Variants in PPP3R1 observed in about 807,000 individuals in gnomAD.
The protein encoded by PPP3R1 is calcineurin subunit B type 1.
In PPP3R1, 5 loss-of-function variants were observed where a neutral mutation model predicts 22.6. The observed-to-expected ratio is 0.22, with a 90% CI of 0.12 to 0.46. The LOEUF (loss-of-function observed/expected upper bound fraction) is 0.46. Ranked by LOEUF, PPP3R1 falls within the 20% of genes least tolerant of loss-of-function variation. The probability of loss-of-function intolerance (pLI) is 0.99; values close to 1 mark genes in which losing one functional copy is unlikely to be tolerated. For missense variants in PPP3R1, 61 were observed against 203.2 expected, an observed-to-expected ratio of 0.30 and a Z score of 4.25; for synonymous variants, 56 against 65.2, an observed-to-expected ratio of 0.86 and a Z score of 0.68.
chr2:68,231,337 C>T (rs1261211071), intron 1 of PPP3R1, among the ~76,000 whole-genome samples: 1 of 151,640 alleles, frequency 6.6e-6, no homozygotes, highest in African/African-American at 2.4e-5. Flanking sequence ...TTCTTTATGT[C>T]TTCTATTTCT....
At chr2:68,235,754 T>C (rs1670008567) in intron 1 of PPP3R1, among the ~76,000 whole-genome samples, 1 of 152,216 alleles carries the variant, frequency 6.6e-6, no homozygotes, top group African/African-American at 2.4e-5. Flanking sequence ...GGTAACTCTA[T>C]GTTTGACATT....
intron 1 of PPP3R1, among the ~76,000 whole-genome samples, chr2:68,245,803 C>A (rs2103814758): frequency 6.6e-6 from 1 of 152,308 alleles, no homozygotes; most frequent in East Asian, 1.9e-4. Flanking sequence ...GAACTCAAAA[C>A]AGTTAAACCA....
intron 1 of PPP3R1, among the ~76,000 whole-genome samples, chr2:68,244,040 T>TAAGTAA (rs766589899): frequency 2.6e-5 from 4 of 152,206 alleles, no homozygotes; most frequent in Non-Finnish European, 4.4e-5. Flanking sequence ...TTTGAATTTT[T>TAAGTAA]AAGTGACTAC....
intron 2 of PPP3R1, among the ~76,000 whole-genome samples, chr2:68,205,198 G>GC (rs1296231898): frequency 6.7e-6 from 1 of 149,858 alleles, no homozygotes; most frequent in East Asian, 2.0e-4. Context: ...TTATTTCAGA[G>GC]CAAATCCCAG....
intron 1 of PPP3R1, among the ~76,000 whole-genome samples, chr2:68,250,089 A>C (rs1670314277): frequency 6.6e-6 from 1 of 152,164 alleles, no homozygotes; most frequent in Non-Finnish European, 1.5e-5. Flanking sequence ...AAATAACCCT[A>C]AAGTTGGAAA....
At chr2:68,207,534 CT>C (rs1675154475) in intron 2 of PPP3R1, among the ~76,000 whole-genome samples, 1 of 152,186 alleles carries the variant, frequency 6.6e-6, no homozygotes, top group Non-Finnish European at 1.5e-5. Flanking sequence ...ATCTATCTGC[CT>C]TTTGCCCTAG....
chr2:68,188,456 T>C, intron 3 of PPP3R1, 58 bp downstream of exon 3: 6 of 1,347,270 alleles, frequency 4.5e-6, no homozygotes, highest in Non-Finnish European at 5.0e-6. Flanking sequence ...TACACAGAGC[T>C]GTAAGAATAC....
intron 1 of PPP3R1, among the ~76,000 whole-genome samples, chr2:68,234,868 G>A (rs1669989091): frequency 6.6e-6 from 1 of 152,100 alleles, no homozygotes. Context: ...TAAAGTCCTA[G>A]CAATGGGACA....
At chr2:68,194,024 G>A (rs1674719708) in intron 2 of PPP3R1, among the ~76,000 whole-genome samples, 1 of 152,024 alleles carries the variant, frequency 6.6e-6, no homozygotes, top group Non-Finnish European at 1.5e-5. Flanking sequence ...TGTTTTGCCA[G>A]GTTGAAACTC....
At chr2:68,194,837 C>A (rs896741324) in intron 2 of PPP3R1, among the ~76,000 whole-genome samples, 10 of 152,094 alleles carry the variant, frequency 6.6e-5, no homozygotes, top group South Asian at 2.1e-4. Context: ...AAAAAAGCAA[C>A]AAGACTATTG....
chr2:68,188,691 C>A lies in PPP3R1; in HGVS notation c.44-1G>T. The A allele has an allele frequency of 1.3e-6, 2 of 1,578,402 alleles. No individual in the cohort carries two copies. The highest frequency in any genetic ancestry group is 2.0e-5 in the Admixed American group (1 of 51,236). The stretch of plus-strand genomic sequence containing the variant: ...AGCCTTTTAATTTCATCCGCATCAA[C>A]TAAAAGCAAACAAAAAAGGAAGCAA... On this transcript the variant is annotated splice_acceptor_variant, in intron 2 of 5. Coordinates refer to ENST00000234310, the MANE Select transcript of PPP3R1 (RefSeq NM_000945.4). LOFTEE classifies it high-confidence loss of function.
Position 68,198,254 on chromosome 2 carries a change from T to G in PPP3R1, c.44-9564A>C, listed in dbSNP as rs1037896909. ...ATATGTATACACATATGTACATACA[T>G]ATGTATACATACATATGTGTATGCA... On this transcript the variant is annotated intron_variant, in intron 2 of 5. Coordinates refer to ENST00000234310, the MANE Select transcript of PPP3R1 (RefSeq NM_000945.4). 2.7e-5 allele frequency among the ~76,000 whole-genome samples: 4 copies of G among 146,668 alleles called. No individual in the cohort carries two copies. In the South Asian group the frequency reaches 8.5e-4, roughly 31 times the overall value.
At chr2:68,226,865 A>G (rs370194998) in intron 1 of PPP3R1, among the ~76,000 whole-genome samples, 18 of 152,262 alleles carry the variant, frequency 1.2e-4, no homozygotes, top group Middle Eastern at 3.4e-3. Flanking sequence ...CAGTTATTCA[A>G]GCACTTTAGA....
chr2:68,242,424 T>TA (rs879324913), intron 1 of PPP3R1, among the ~76,000 whole-genome samples: 2,225 of 127,916 alleles, frequency 0.017, 41 homozygotes, highest in African/African-American at 0.047. Flanking sequence ...AGACTCCGTC[T>TA]AAAAAAAAAA....
intron 2 of PPP3R1, among the ~76,000 whole-genome samples, chr2:68,210,103 CAG>C (rs1387254518): frequency 2.0e-5 from 3 of 152,090 alleles, no homozygotes; most frequent in Non-Finnish European, 2.9e-5. Flanking sequence ...CCTCATGAAA[CAG>C]GGGCTGAAGA....
intron 2 of PPP3R1, among the ~76,000 whole-genome samples, chr2:68,198,475 A>G (rs994867437): frequency 1.3e-5 from 2 of 149,176 alleles, no homozygotes; most frequent in Non-Finnish European, 3.0e-5. Flanking sequence ...ATATATGCGT[A>G]TGTATATATA....
intron 5 of PPP3R1, among the ~76,000 whole-genome samples, chr2:68,181,573 T>C (rs961399772): frequency 1.2e-4 from 18 of 147,756 alleles, no homozygotes; most frequent in Middle Eastern, 3.4e-3. Context: ...GCAGGCTACA[T>C]GTAGTTTCTT....
intron 1 of PPP3R1, among the ~76,000 whole-genome samples, chr2:68,249,309 T>G (rs1013312866): frequency 2.6e-5 from 4 of 152,166 alleles, no homozygotes; most frequent in African/African-American, 9.7e-5. Context: ...GTTTTTTTTT[T>G]TCTAAAAAGT....
At chr2:68,234,267 T>C (rs773873150) in intron 1 of PPP3R1, among the ~76,000 whole-genome samples, 2 of 151,174 alleles carry the variant, frequency 1.3e-5, no homozygotes, top group African/African-American at 4.9e-5. Context: ...GGCGTGAACC[T>C]GGGAGGCGGA....
Sources: gnomAD v4.1 joint callset for allele counts (sites outside exome capture counted in the v4.1 genomes callset) on GRCh38, gnomAD v4.1.1 for gene constraint, MANE v1.5 for transcripts, NCBI Gene and HGNC (gene_info 2026-07-23, HGNC 2026-07-21) for gene names.